The following C1orf87 variants were observed in gnomAD, a reference collection of about 807,000 sequenced individuals.
C1orf87 encodes chromosome 1 open reading frame 87, also known as uncharacterized protein C1orf87.
In C1orf87, 58 loss-of-function variants were observed where a neutral mutation model predicts 60.5. That is an observed-to-expected ratio of 0.96 (90% CI 0.78 to 1.19). C1orf87 has a LOEUF of 1.19. Among genes scored for constraint, C1orf87 ranks in the 50% most tolerant of loss-of-function variants. The pLI is 0.00. For missense variants in C1orf87, 673 were observed against 638.6 expected, an observed-to-expected ratio of 1.05 and a Z score of -0.58; for synonymous variants, 236 against 227.4, an observed-to-expected ratio of 1.04 and a Z score of -0.34.
intron 3 of C1orf87, among the ~76,000 whole-genome samples, chr1:60,051,480 C>A (rs1417283238): frequency 6.6e-6 from 1 of 152,158 alleles, no homozygotes; most frequent in Non-Finnish European, 1.5e-5. Flanking sequence ...CCTTGAAGAG[C>A]TCGCTGGATT....
chr1:60,055,097 A>G, intron 3 of C1orf87, 107 bp downstream of exon 3: 1 of 1,027,524 alleles, frequency 9.7e-7, no homozygotes, highest in Non-Finnish European at 1.5e-6. Context: ...CTCATGCAAA[A>G]TATATTAATG....
At chr1:60,029,895 T>G (rs966978821) in intron 7 of C1orf87, among the ~76,000 whole-genome samples, 2 of 151,922 alleles carry the variant, frequency 1.3e-5, no homozygotes, top group Non-Finnish European at 2.9e-5. Flanking sequence ...CACCTTAGCC[T>G]CCCAACGTGC....
chr1:60,037,248 C>T (rs953961324), intron 6 of C1orf87, among the ~76,000 whole-genome samples: 3 of 152,182 alleles, frequency 2.0e-5, no homozygotes, highest in African/African-American at 4.8e-5. Flanking sequence ...TGTGTTGAAA[C>T]CCTAATGCCA....
At chr1:60,064,639 TG>T (rs1425446230) in intron 2 of C1orf87, among the ~76,000 whole-genome samples, 21 of 111,234 alleles carry the variant, frequency 1.9e-4, no homozygotes, top group African/African-American at 5.9e-4. Context: ...TAAATATATA[TG>T]ATATATTTTA....
intron 8 of C1orf87, among the ~76,000 whole-genome samples, chr1:60,020,132 A>C (rs943029254): frequency 2.0e-5 from 3 of 152,132 alleles, no homozygotes; most frequent in Admixed American, 6.5e-5. Flanking sequence ...CTCCCATCAC[A>C]GGCCTGGAAG....
At chr1:60,070,937 C>A (rs1465179815) in intron 2 of C1orf87, among the ~76,000 whole-genome samples, 1 of 152,072 alleles carries the variant, frequency 6.6e-6, no homozygotes, top group Non-Finnish European at 1.5e-5. Context: ...GAGAATAAGG[C>A]TAAACAAATA....
At chr1:60,032,011 C>A (rs1363902604) in intron 7 of C1orf87, among the ~76,000 whole-genome samples, 2 of 152,114 alleles carry the variant, frequency 1.3e-5, no homozygotes, top group African/African-American at 4.8e-5. Flanking sequence ...CACATACACA[C>A]ACACACACAC....
rs1644912891 is a variant in C1orf87 at position 59,990,487 on chromosome 1, A to T, written c.*186T>A. 1.8e-6 allele frequency: 1 copy of T among 569,234 alleles called. No individual in the cohort carries two copies. Among genetic ancestry groups the T allele is most frequent in the Non-Finnish European group, 2.9e-6 (1 of 345,318 alleles). The allele number at this position is 569,234 out of a possible 1,614,324, so 35.3% of individuals were successfully genotyped here. ...AGATAAAACTAGGTTTCCTCTGATC[A>T]CTTTGAACTGCTTATGAGTGAGCAT... On this transcript the variant is annotated 3_prime_UTR_variant, in exon 12 of 12. Transcript: ENST00000371201.
At chr1:60,064,248 A>G (rs1645517086) in intron 2 of C1orf87, among the ~76,000 whole-genome samples, 1 of 145,314 alleles carries the variant, frequency 6.9e-6, no homozygotes, top group African/African-American at 2.5e-5. Flanking sequence ...CCCTTTATAT[A>G]TGATATATAT....
At chr1:60,014,651 G>T (rs1645112955) in intron 8 of C1orf87, among the ~76,000 whole-genome samples, 2 of 152,034 alleles carry the variant, frequency 1.3e-5, no homozygotes, top group Admixed American at 1.3e-4. Context: ...TTCTATGAGG[G>T]TTATGAAGGC....
At chr1:59,993,248 A>G (rs902044598) in intron 11 of C1orf87, among the ~76,000 whole-genome samples, 3 of 152,086 alleles carry the variant, frequency 2.0e-5, no homozygotes, top group Non-Finnish European at 4.4e-5. Context: ...ACATAAATAC[A>G]TAAATACATA....
intron 8 of C1orf87, among the ~76,000 whole-genome samples, chr1:60,012,708 A>T (rs985909006): frequency 6.6e-6 from 1 of 152,144 alleles, no homozygotes; most frequent in Non-Finnish European, 1.5e-5. Context: ...TCCCACTTTA[A>T]CTGAGTTTTT....
chr1:60,040,300 G>A, intron 4 of C1orf87, 120 bp from the exon 5 acceptor site: 1 of 1,284,406 alleles, frequency 7.8e-7, no homozygotes, highest in Non-Finnish European at 1.1e-6. Context: ...TCCTGGCCTG[G>A]AGCAGGACAA....
intron 8 of C1orf87, among the ~76,000 whole-genome samples, chr1:60,012,609 C>T (rs1237724410): frequency 6.6e-6 from 1 of 152,028 alleles, no homozygotes; most frequent in Non-Finnish European, 1.5e-5. Context: ...AAAGTAGGTA[C>T]CAAACCTCCA....
At chr1:60,045,292 G>C (rs566812015) in intron 3 of C1orf87, among the ~76,000 whole-genome samples, 4 of 152,074 alleles carry the variant, frequency 2.6e-5, no homozygotes, top group Non-Finnish European at 5.9e-5. Flanking sequence ...TAAGTAAAAA[G>C]TTGTATACTT....
chr1:60,027,774 A>C (rs1645209964), intron 7 of C1orf87, among the ~76,000 whole-genome samples: 1 of 152,204 alleles, frequency 6.6e-6, no homozygotes, highest in Admixed American at 6.5e-5. Context: ...TGCTAGAAGA[A>C]TAAGGAGTTG....
chr1:60,044,447 G>T (rs1040963843), intron 3 of C1orf87, among the ~76,000 whole-genome samples: 1 of 152,130 alleles, frequency 6.6e-6, no homozygotes, highest in Non-Finnish European at 1.5e-5. Context: ...AAAACCTTAT[G>T]ATATATTTAT....
rs905472061 is a variant in C1orf87, at chr1:60,064,297, A to G, written c.107+8240T>C. Among the ~76,000 whole-genome samples, 6 of 129,088 alleles carry G rather than the reference A, an allele frequency of 4.6e-5. No individual in the cohort carries two copies. In the East Asian group the frequency reaches 1.1e-3, roughly 24 times the overall value. The allele number at this position is 129,088 out of a possible 152,430, so 84.7% of individuals were successfully genotyped here. On this transcript the variant is annotated intron_variant, in intron 2 of 11. Coordinates refer to ENST00000371201, the MANE Select transcript of C1orf87 (RefSeq NM_152377.3). ...TATATAAATTATATATTATATATAT[A>G]TTTTATATATAATATATAAATTATA...
At chr1:60,039,726 G>T (rs1017513614) in intron 5 of C1orf87, among the ~76,000 whole-genome samples, 191 bp downstream of exon 5, 1 of 152,194 alleles carries the variant, frequency 6.6e-6, no homozygotes, top group East Asian at 1.9e-4. Context: ...GAAACAGAGC[G>T]AAGAGACCTA....
Sources: gnomAD v4.1 joint callset for allele counts (sites outside exome capture counted in the v4.1 genomes callset) on GRCh38, gnomAD v4.1.1 for gene constraint, MANE v1.5 for transcripts, NCBI Gene and HGNC (gene_info 2026-07-23, HGNC 2026-07-21) for gene names.